Variants in GDF1 observed in about 807,000 individuals in gnomAD.
GDF1 encodes growth differentiation factor 1, also known as embryonic growth/differentiation factor 1.
A neutral mutation model predicts 7.4 loss-of-function variants in GDF1; 8 were observed. The observed-to-expected ratio is 1.09, with a 90% confidence interval of 0.64 to 1.96. GDF1 has a LOEUF of 1.96. GDF1 is among the 30% of genes most tolerant of loss of function. GDF1 has a pLI of 0.00. For missense variants in GDF1, 574 were observed against 551.5 expected, an observed-to-expected ratio of 1.04 and a Z score of -0.41; for synonymous variants, 311 against 276.7, an observed-to-expected ratio of 1.12 and a Z score of -1.23.
chr19:18,888,924 C>A (rs1233299501), intron 2 of GDF1, among the ~76,000 whole-genome samples: 1 of 135,344 alleles, frequency 7.4e-6, no homozygotes, highest in South Asian at 2.4e-4. Flanking sequence ...CAGAGTCTTG[C>A]TCTGTCGCCT....
intron 3 of GDF1, among the ~76,000 whole-genome samples, chr19:18,882,670 T>G (rs1317489564): frequency 6.7e-6 from 1 of 150,334 alleles, no homozygotes; most frequent in African/African-American, 2.4e-5. Context: ...TAAGATAAAG[T>G]AATTTTAAAA....
chr19:18,872,556 C>T (rs183202977), intron 6 of GDF1, among the ~76,000 whole-genome samples: 55 of 152,094 alleles, frequency 3.6e-4, no homozygotes, highest in Middle Eastern at 3.4e-3. Context: ...GCTCTTGTCC[C>T]CCAGGCGGGA....
chr19:18,883,544 A>T (rs578179924), intron 3 of GDF1, among the ~76,000 whole-genome samples: 1 of 149,244 alleles, frequency 6.7e-6, no homozygotes, highest in African/African-American at 2.4e-5. Flanking sequence ...AAAAAAAAAG[A>T]GAGAGAGAAA....
chr19:18,878,935 T>G lies in GDF1; in HGVS notation c.-318A>C, dbSNP rs750550516. The stretch of plus-strand genomic sequence containing the variant: ...GCGGGCCCCTCCACACTCACTCGGC[T>G]TTGCTGGGCTTCAGGCTCTGGGCCT... On this transcript the variant is annotated 5_prime_UTR_variant, in exon 6 of 8. Coordinates refer to ENST00000247005, the MANE Select transcript of GDF1 (RefSeq NM_001492.6). This position sits in a 1 kb window ranked among gnomAD's most constrained non-coding sequence, Gnocchi z 4.6. 3.1e-6 allele frequency: 5 copies of G among 1,613,658 alleles called. No homozygotes were observed. Among genetic ancestry groups the G allele is most frequent in the Non-Finnish European group, 4.2e-6 (5 of 1,179,822 alleles).
chr19:18,877,989 G>T, intron 6 of GDF1: 1 of 985,474 alleles, frequency 1.0e-6, no homozygotes, highest in Non-Finnish European at 1.2e-6. Context: ...TCCAAACAGG[G>T]TGGGGGGTCT....
In GDF1 at chr19:18,884,091, A is replaced by G; in HGVS notation, c.-737T>C. 1 of 1,611,940 alleles carries G rather than the reference A, an allele frequency of 6.2e-7. No homozygotes were observed. The highest frequency in any genetic ancestry group is 1.1e-5 in the South Asian group (1 of 90,876). On this transcript the variant is annotated 5_prime_UTR_variant, in exon 3 of 8. Transcript: ENST00000247005. ...GCCACCCGATCCTGTCCTTACCGGA[A>G]GGCGTAGGAGGAGACGATGAGGATG...
chr19:18,892,471 G>A (rs1169431044), intron 2 of GDF1, among the ~76,000 whole-genome samples: 7 of 151,836 alleles, frequency 4.6e-5, no homozygotes, highest in Admixed American at 1.3e-4. Context: ...AAAATTAGCC[G>A]GGCGTGGTGG....
rs773625132 is a variant in GDF1, at chr19:18,879,059, G to T, written c.-422-20C>A. 1 of 1,611,378 alleles carries T rather than the reference G, an allele frequency of 6.2e-7. No individual in the cohort carries two copies. Among genetic ancestry groups the T allele is most frequent in the African/African-American group, 1.3e-5 (1 of 74,862 alleles). Reference sequence around the variant, plus strand: ...GATGTACTGCGAGAGGGGAGGGGAGGTGCCAGTGAGAAGAAAGCCCCCACG... The same window carrying T: ...GATGTACTGCGAGAGGGGAGGGGAGTTGCCAGTGAGAAGAAAGCCCCCACG... On this transcript the variant is annotated intron_variant, in intron 5 of 7. Transcript: ENST00000247005.
At chr19:18,888,830 C>T (rs542391568) in intron 2 of GDF1, among the ~76,000 whole-genome samples, 14 of 149,336 alleles carry the variant, frequency 9.4e-5, no homozygotes, top group African/African-American at 3.4e-4. Context: ...AACTCTGTCT[C>T]AAAAAAACAA....
At chr19:18,874,921 C>T (rs1236647114) in intron 6 of GDF1, among the ~76,000 whole-genome samples, 1 of 152,174 alleles carries the variant, frequency 6.6e-6, no homozygotes, top group Non-Finnish European at 1.5e-5. Context: ...TCTTGGTTTT[C>T]TGAAGGGTTC....
rs544810084 is a variant in GDF1 at position 18,876,157 on chromosome 19, C to T, written c.-313+2773G>A. On this transcript the variant is annotated intron_variant, in intron 6 of 7. Transcript: ENST00000247005. Reference sequence around the variant, plus strand: ...GCGCCATCATGCCTGGATAATTTTTCGTATTTTTAGTAGAGATGGGGTTTC... The same window carrying T: ...GCGCCATCATGCCTGGATAATTTTTTGTATTTTTAGTAGAGATGGGGTTTC... 2.6e-5 allele frequency among the ~76,000 whole-genome samples: 4 copies of T among 151,186 alleles called. No homozygotes were observed. In the East Asian group the frequency reaches 5.9e-4, roughly 22 times the overall value.
chr19:18,894,890 C>A (rs1243365304), intron 1 of GDF1, among the ~76,000 whole-genome samples: 1 of 152,192 alleles, frequency 6.6e-6, no homozygotes, highest in African/African-American at 2.4e-5. Context: ...TCCAGCCAGA[C>A]GGGCGGGGTG....
In GDF1 at chr19:18,875,511, C is replaced by A. The variant is rs544480740; in HGVS notation, c.-313+3419G>T. Among the ~76,000 whole-genome samples the A allele has an allele frequency of 3.3e-3, 493 of 151,616 alleles. 3 individuals are homozygous for A. Among genetic ancestry groups the A allele is most frequent in the Non-Finnish European group, 3.5e-3 (236 of 67,900 alleles). On this transcript the variant is annotated intron_variant, in intron 6 of 7. Transcript: ENST00000247005. ...TGAGCTGAGATCACACCACTGCACT[C>A]CAGCCTGGGCGACAGAGCGAGACAC...
intron 2 of GDF1, 123 bp from the exon 3 acceptor site, chr19:18,884,390 G>A: frequency 1.2e-6 from 1 of 856,810 alleles, no homozygotes; most frequent in South Asian, 2.0e-5. Flanking sequence ...ATGCGTGTCT[G>A]ACTGCTGGCT....
In GDF1 at chr19:18,878,647, C is replaced by T. The variant is rs1213189775; in HGVS notation, c.-313+283G>A. 2 of 1,243,614 alleles carry T rather than the reference C, an allele frequency of 1.6e-6. No homozygotes were observed. The highest frequency in any genetic ancestry group is 2.0e-6 in the Non-Finnish European group (2 of 983,500). 77.0% of individuals were successfully genotyped at this position (1,243,614 alleles called of 1,614,324 possible). On this transcript the variant is annotated intron_variant, in intron 6 of 7. Coordinates refer to ENST00000247005, the MANE Select transcript of GDF1 (RefSeq NM_001492.6). This position sits in a 1 kb window ranked among gnomAD's most constrained non-coding sequence, Gnocchi z 4.6. ...GCCCTGGCTCGCCACTCCCGCCACA[C>T]CAGCCACTAGGCCTGGCCCTCAGTG...
intron 6 of GDF1, among the ~76,000 whole-genome samples, chr19:18,875,623 C>G (rs968431831): frequency 2.6e-5 from 4 of 152,068 alleles, no homozygotes; most frequent in African/African-American, 9.7e-5. Flanking sequence ...CTGTGGAGAG[C>G]TTTCTTTTAT....
intron 7 of GDF1, 61 bp from the exon 8 acceptor site, chr19:18,869,451 C>T: frequency 1.3e-6 from 2 of 1,500,056 alleles, no homozygotes; most frequent in Non-Finnish European, 1.8e-6. Flanking sequence ...CATGGGGTCT[C>T]GGTTAGGGAC....
intron 6 of GDF1, among the ~76,000 whole-genome samples, chr19:18,872,194 C>A (rs1049841499): frequency 1.3e-5 from 2 of 152,244 alleles, no homozygotes; most frequent in African/African-American, 4.8e-5. Context: ...GGCTTTTTAT[C>A]AGAGCTTTCC....
chr19:18,882,603 C>A (rs1029787160), intron 3 of GDF1, among the ~76,000 whole-genome samples: 1 of 151,498 alleles, frequency 6.6e-6, no homozygotes, highest in African/African-American at 2.4e-5. Context: ...TGGCACTGCA[C>A]TCCAGCCTGG....
Sources: allele counts gnomAD v4.1 joint callset (sites outside exome capture counted in the v4.1 genomes callset), GRCh38; gene constraint gnomAD v4.1.1; non-coding constraint Gnocchi (gnomAD v3.1); transcripts MANE v1.5; gene names NCBI Gene and HGNC (gene_info 2026-07-23, HGNC 2026-07-21).